RNF180: variants seen among roughly 807,000 people sequenced by gnomAD.
The protein encoded by RNF180 is E3 ubiquitin-protein ligase RNF180.
A neutral mutation model predicts 59.2 loss-of-function variants in RNF180; 38 were observed. That is an observed-to-expected ratio of 0.64 (90% CI 0.50 to 0.84). The LOEUF (loss-of-function observed/expected upper bound fraction) is 0.84, where lower values mean the gene tolerates loss of function less well. Ranked by LOEUF, RNF180 falls within the 40% of genes least tolerant of loss-of-function variation. The pLI, the probability that RNF180 is intolerant of heterozygous loss-of-function variation, is 0.00. For missense variants in RNF180, 705 were observed against 700.9 expected (o/e 1.01, Z -0.07); for synonymous variants, 262 against 240.3 (o/e 1.09, Z -0.84).
chr5:64,251,906 A>T (rs1561218444), intron 5 of RNF180, among the ~76,000 whole-genome samples: 1 of 152,196 alleles, frequency 6.6e-6, no homozygotes, highest in Non-Finnish European at 1.5e-5. Flanking sequence ...CTGCACACTG[A>T]AAACTATAAA....
At chr5:64,169,117 T>G (rs1749804148) in intron 1 of RNF180, among the ~76,000 whole-genome samples, 1 of 152,198 alleles carries the variant, frequency 6.6e-6, no homozygotes, top group Admixed American at 6.5e-5. Context: ...AAAACTAGTT[T>G]GGTCTTTGAA....
chr5:64,255,898 G>A (rs1292849481), intron 5 of RNF180, among the ~76,000 whole-genome samples: 1 of 152,154 alleles, frequency 6.6e-6, no homozygotes, highest in Non-Finnish European at 1.5e-5. Context: ...CATTCAAACT[G>A]GTGTAAGATG....
rs573285610 is a variant in RNF180, at chr5:64,261,558, G to A, written c.1227+44162G>A. Among the ~76,000 whole-genome samples, 3 of 151,870 alleles carry A rather than the reference G, an allele frequency of 2.0e-5. No homozygotes were observed. The South Asian group carries it at 6.3e-4, about 32-fold the overall frequency. Reference sequence around the variant, plus strand: ...GAATATTTTAAATATTTCCTATGAGGTTATAGGATGTTATTTATTTTTGAA... The same window carrying A: ...GAATATTTTAAATATTTCCTATGAGATTATAGGATGTTATTTATTTTTGAA... On this transcript the variant is annotated intron_variant, in intron 5 of 7. Transcript: ENST00000389100.
At chr5:64,365,511 A>G (rs879381303) in intron 7 of RNF180, among the ~76,000 whole-genome samples, 6 of 151,620 alleles carry the variant, frequency 4.0e-5, no homozygotes, top group African/African-American at 7.3e-5. Flanking sequence ...CATTTGGTCA[A>G]GTGTCAAGTT....
intron 5 of RNF180, among the ~76,000 whole-genome samples, chr5:64,256,814 T>C (rs1743997043): frequency 6.6e-6 from 1 of 152,198 alleles, no homozygotes; most frequent in African/African-American, 2.4e-5. Context: ...TTTCACGATA[T>C]TGATTCTTCC....
At position 64,245,997 on chromosome 5, in the gene RNF180, G is replaced by A. The variant is rs186105281; in HGVS notation, c.1227+28601G>A. 3.2e-4 allele frequency among the ~76,000 whole-genome samples: 49 copies of A among 152,246 alleles called. No individual in the cohort carries two copies. The East Asian group carries it at 8.3e-3, about 26-fold the overall frequency. On this transcript the variant is annotated intron_variant, in intron 5 of 7. Transcript: ENST00000389100. ...CAACTACATGGCAACTGAACATCCT[G>A]TTCCTGAATGACTACTGGGTAAATA...
chr5:64,224,103 G>GTACA (rs533917572), intron 5 of RNF180, among the ~76,000 whole-genome samples: 1 of 147,124 alleles, frequency 6.8e-6, no homozygotes, highest in Non-Finnish European at 1.5e-5. Flanking sequence ...GTGTGTGTGT[G>GTACA]TACATACATA....
chr5:64,355,849 A>G (rs1745996856), intron 7 of RNF180, among the ~76,000 whole-genome samples: 1 of 151,920 alleles, frequency 6.6e-6, no homozygotes, highest in South Asian at 2.1e-4. Context: ...CATATGCAAA[A>G]GAATGAAGTT....
chr5:64,217,517 T>G (rs944625678), intron 5 of RNF180, 121 bp downstream of exon 5: 2 of 1,274,262 alleles, frequency 1.6e-6, no homozygotes, highest in African/African-American at 1.5e-5. Context: ...CAAGCACTGG[T>G]ATTCTCAGTG....
chr5:64,191,372 A>G (rs985258549), intron 1 of RNF180, among the ~76,000 whole-genome samples: 25 of 152,206 alleles, frequency 1.6e-4, no homozygotes, highest in African/African-American at 5.8e-4. Flanking sequence ...TGACAAATGT[A>G]TAACATCATG....
chr5:64,312,406 T>A (rs1470127537), intron 5 of RNF180, among the ~76,000 whole-genome samples: 2 of 152,126 alleles, frequency 1.3e-5, no homozygotes, highest in Admixed American at 1.3e-4. Context: ...CCTGGGACAG[T>A]ACCTGGTACG....
chr5:64,244,078 C>T (rs1742997012), intron 5 of RNF180, among the ~76,000 whole-genome samples: 1 of 152,132 alleles, frequency 6.6e-6, no homozygotes, highest in Non-Finnish European at 1.5e-5. Context: ...GTAGAAACCC[C>T]ATCCAAAGGT....
In RNF180 at chr5:64,200,912, T is replaced by C. The variant is rs762730501; in HGVS notation, c.105T>C (p.Phe35=). ...CRKCIASSGC[F]MEYLENQVIK... The stretch of plus-strand genomic sequence containing the variant: ...AATGTATAGCAAGCTCTGGTTGTTT[T>C]ATGGAGTATCTTGAGAATCAAGTGA... The change falls in exon 2 of 8, where the codon TTT becomes TTC. Residue 35 remains phenylalanine, a synonymous_variant. Coordinates refer to ENST00000389100, the MANE Select transcript of RNF180 (RefSeq NM_001113561.2). 7.4e-6 allele frequency: 12 copies of C among 1,613,912 alleles called. No individual in the cohort carries two copies. Among genetic ancestry groups the C allele is most frequent in the African/African-American group, 1.3e-5 (1 of 75,062 alleles).
At chr5:64,344,208 G>C (rs565807194) in intron 7 of RNF180, among the ~76,000 whole-genome samples, 1 of 151,964 alleles carries the variant, frequency 6.6e-6, no homozygotes, top group South Asian at 2.1e-4. Context: ...TATAAGAGAT[G>C]GCATTTAAAT....
intron 5 of RNF180, among the ~76,000 whole-genome samples, chr5:64,226,536 G>A (rs560962323): frequency 5.3e-4 from 80 of 152,230 alleles, no homozygotes; most frequent in Middle Eastern, 3.4e-3. Flanking sequence ...GAAGGCCGCA[G>A]GGACCTCTGC....
At chr5:64,338,570 G>A (rs1745228372) in intron 7 of RNF180, among the ~76,000 whole-genome samples, 1 of 151,474 alleles carries the variant, frequency 6.6e-6, no homozygotes, top group African/African-American at 2.4e-5. Context: ...GGGAGGCAGA[G>A]CTTGCAGTGA....
chr5:64,194,175 C>T (rs993209579), intron 1 of RNF180, among the ~76,000 whole-genome samples: 49 of 152,140 alleles, frequency 3.2e-4, no homozygotes, highest in Admixed American at 1.2e-3. Context: ...CCACAACAGT[C>T]CCCGGTGTGT....
chr5:64,279,983 C>T (rs1287938648), intron 5 of RNF180, among the ~76,000 whole-genome samples: 1 of 152,212 alleles, frequency 6.6e-6, no homozygotes, highest in South Asian at 2.1e-4. Context: ...GTCCCAGATA[C>T]GTAGGAGGCT....
At position 64,325,173 on chromosome 5, in the gene RNF180, T is replaced by A. The variant is rs1282656235; in HGVS notation, c.1228-13T>A. 6.6e-7 allele frequency: 1 copy of A among 1,521,764 alleles called. No homozygotes were observed. 94.3% of individuals were successfully genotyped at this position (1,521,764 alleles called of 1,614,324 possible). ...ATACTAAATTAAGAAAAAAGTTTTC[T>A]TATGTTTTGCAGACTTTGAATAATG... On this transcript the variant is annotated splice_polypyrimidine_tract_variant and intron_variant, in intron 5 of 7. Coordinates refer to ENST00000389100, the MANE Select transcript of RNF180 (RefSeq NM_001113561.2).
Sources: allele counts gnomAD v4.1 joint callset (sites outside exome capture counted in the v4.1 genomes callset), GRCh38; gene constraint gnomAD v4.1.1; transcripts MANE v1.5; gene names NCBI Gene and HGNC (gene_info 2026-07-23, HGNC 2026-07-21).